The following IGF2BP1 variants were observed in gnomAD, a reference collection of about 807,000 sequenced individuals.
The protein encoded by IGF2BP1 is insulin-like growth factor 2 mRNA-binding protein 1.
IGF2BP1 carries 11 observed loss-of-function variants against 74.9 expected under a neutral mutation model. The ratio of observed to expected loss-of-function variants is 0.15; its 90% CI spans 0.09 to 0.24. The LOEUF (loss-of-function observed/expected upper bound fraction) is 0.24. IGF2BP1 is among the 10% of genes least tolerant of loss of function. IGF2BP1 has a pLI of 1.00. For synonymous variants in IGF2BP1, 287 were observed against 281.8 expected, an observed-to-expected ratio of 1.02 and a Z score of -0.18; for missense variants, 440 against 757.4, an observed-to-expected ratio of 0.58 and a Z score of 4.92.
chr17:49,034,777 A>G (rs1025172543), intron 5 of IGF2BP1, among the ~76,000 whole-genome samples: 1 of 151,850 alleles, frequency 6.6e-6, no homozygotes, highest in Non-Finnish European at 1.5e-5. Context: ...AAAAAAACGA[A>G]AAACCAAAAA....
rs139815701 is a variant in IGF2BP1 at position 49,025,310 on chromosome 17, CAA to C, written c.237-306_237-305del. Reference sequence around the variant, plus strand: ...AGGAATGAGAAAGTGGTGGGACAAACAAAGTGTGTGTGTGTGTGTGTGTGTGT... The same window carrying C: ...AGGAATGAGAAAGTGGTGGGACAAACAGTGTGTGTGTGTGTGTGTGTGTGT... On this transcript the variant is annotated intron_variant, in intron 2 of 14. Coordinates refer to ENST00000290341, the MANE Select transcript of IGF2BP1 (RefSeq NM_006546.4). Among the ~76,000 whole-genome samples, 783 of 98,908 alleles carry C rather than the reference CAA, an allele frequency of 7.9e-3. 6 individuals carry two copies. Among genetic ancestry groups the C allele is most frequent in the South Asian group, 0.049 (120 of 2,472 alleles). The allele number at this position is 98,908 out of a possible 152,430, so 64.9% of individuals were successfully genotyped here.
intron 2 of IGF2BP1, chr17:49,012,662 C>T (rs62078400): frequency 0.047 from 7,183 of 152,270 alleles, 212 homozygotes; most frequent in East Asian, 0.11. Context: ...CTCCCTCCTC[C>T]CAGCAGGAAG....
At chr17:49,009,086 G>A (rs1275344386) in intron 2 of IGF2BP1, among the ~76,000 whole-genome samples, 1 of 152,022 alleles carries the variant, frequency 6.6e-6, no homozygotes, top group Non-Finnish European at 1.5e-5. Flanking sequence ...GGAGTGCTGT[G>A]GTGCCATCTT....
chr17:48,997,788 C>G lies in IGF2BP1; in HGVS notation c.43C>G (p.Pro15Ala). ...YIGNLNESVT[P>A]ADLEKVFAEH... ...CGGCAACCTCAACGAGAGCGTGACC[C>G]CCGCGGACTTGGAGAAAGTGTTTGC... The change falls in exon 1 of 15, where the codon CCC becomes GCC. Residue 15 changes from proline (P) to alanine (A), a missense_variant. Pro to Ala is a conservative substitution (Grantham distance 27, BLOSUM62 -1). Around this residue, in one of 5 missense-constraint regions of IGF2BP1, gnomAD observed 105 missense variants for 199.4 expected, o/e 0.53. Coordinates refer to ENST00000290341, the MANE Select transcript of IGF2BP1 (RefSeq NM_006546.4). This position sits in a 1 kb window ranked among gnomAD's most constrained non-coding sequence, Gnocchi z 4.8. The G allele has an allele frequency of 1.9e-6, 3 of 1,614,112 alleles. No homozygotes were observed. The South Asian group carries it at 3.3e-5, about 18-fold the overall frequency.
rs772080581 is a variant in IGF2BP1, at chr17:49,043,568, T to C, written c.1200+18T>C. 9 of 1,612,790 alleles carry C rather than the reference T, an allele frequency of 5.6e-6. No homozygotes were observed. The highest frequency in any genetic ancestry group is 1.1e-5 in the South Asian group (1 of 91,010). The stretch of plus-strand genomic sequence containing the variant: ...CCTTTATGGTAGGTGGAAGATCTTA[T>C]TACACGGGATCCCTGGGCCCATATG... On this transcript the variant is annotated intron_variant, in intron 10 of 14. Transcript: ENST00000290341.
At chr17:49,043,867 C>T in intron 10 of IGF2BP1, 100 bp from the exon 11 acceptor site, 2 of 1,516,560 alleles carry the variant, frequency 1.3e-6, no homozygotes, top group Admixed American at 2.0e-5. Context: ...CGGTTTGGTG[C>T]CTGTACTCCT....
intron 11 of IGF2BP1, 112 bp downstream of exon 11, chr17:49,044,198 A>G: frequency 7.1e-7 from 1 of 1,407,542 alleles, no homozygotes; most frequent in Non-Finnish European, 9.6e-7. Flanking sequence ...TGTGTGTCAT[A>G]TGAGGGACCT....
chr17:49,025,298 TG>T (rs2041836796), intron 2 of IGF2BP1, among the ~76,000 whole-genome samples: 1 of 144,566 alleles, frequency 6.9e-6, no homozygotes, highest in Non-Finnish European at 1.5e-5. Flanking sequence ...AATGAGAAAG[TG>T]GTGGGACAAA....
At chr17:49,035,108 C>G (rs965850231) in intron 5 of IGF2BP1, among the ~76,000 whole-genome samples, 1 of 152,214 alleles carries the variant, frequency 6.6e-6, no homozygotes, top group Non-Finnish European at 1.5e-5. Context: ...GAATAGAATT[C>G]AGAGCCTAGA....
chr17:49,003,805 G>A (rs1473907313), intron 2 of IGF2BP1, among the ~76,000 whole-genome samples: 1 of 144,706 alleles, frequency 6.9e-6, no homozygotes, highest in Non-Finnish European at 1.5e-5. Context: ...GAGGGAGGGA[G>A]GGGAGATACG....
intron 2 of IGF2BP1, among the ~76,000 whole-genome samples, chr17:49,003,738 GA>G (rs1339013431): frequency 6.3e-5 from 9 of 142,204 alleles, no homozygotes; most frequent in Non-Finnish European, 6.1e-5. Flanking sequence ...GGAGACTGGA[GA>G]AATCAGACGA....
chr17:48,999,494 A>G (rs1392569362), intron 2 of IGF2BP1, among the ~76,000 whole-genome samples: 1 of 151,828 alleles, frequency 6.6e-6, no homozygotes, highest in Non-Finnish European at 1.5e-5. Context: ...TTGTGGGGGA[A>G]CCTTAAAATC....
intron 1 of IGF2BP1, 119 bp from the exon 2 acceptor site, chr17:48,998,990 C>T: frequency 3.0e-6 from 2 of 669,174 alleles, no homozygotes; most frequent in Non-Finnish European, 5.3e-6. Flanking sequence ...TGCCTGGATT[C>T]CTAGGAAGAT....
intron 2 of IGF2BP1, among the ~76,000 whole-genome samples, chr17:48,999,866 TTG>T (rs1306050858): frequency 1.3e-5 from 2 of 150,360 alleles, no homozygotes; most frequent in African/African-American, 4.9e-5. Flanking sequence ...GGTGAGAGCT[TTG>T]TGTTGAGGCT....
chr17:49,038,305 G>T lies in IGF2BP1; in HGVS notation c.539G>T (p.Gly180Val), dbSNP rs2042011595. ...GFGSRGQPRQ[G>V]SPVAAGAPAK... The stretch of plus-strand genomic sequence containing the variant: ...GGCTCTCGGGGTCAGCCCCGCCAGG[G>T]CTCACCTGTGGCAGCGGGGGCCCCA... Residue 180 changes from glycine (G) to valine (V), a missense_variant, in exon 6 of 15, where the codon GGC becomes GTC. Physicochemically the swap from Gly to Val is moderately radical, Grantham distance 109. Coordinates refer to ENST00000290341, the MANE Select transcript of IGF2BP1 (RefSeq NM_006546.4). The T allele has an allele frequency of 6.2e-7, 1 of 1,605,620 alleles. No homozygotes were observed. The highest frequency in any genetic ancestry group is 1.1e-5 in the South Asian group (1 of 88,994).
intron 7 of IGF2BP1, among the ~76,000 whole-genome samples, chr17:49,040,650 T>A (rs2042041507): frequency 6.6e-6 from 1 of 152,262 alleles, no homozygotes; most frequent in Non-Finnish European, 1.5e-5. Context: ...CACATGTGTT[T>A]TAGCTCAGAG....
At chr17:49,044,841 A>C in intron 11 of IGF2BP1, 150 bp from the exon 12 acceptor site, 2 of 665,460 alleles carry the variant, frequency 3.0e-6, no homozygotes, top group Admixed American at 4.9e-5. Flanking sequence ...AGGCGTAATG[A>C]TGTGGGCTTC....
At chr17:49,026,648 C>T in intron 4 of IGF2BP1, 131 bp downstream of exon 4, 1 of 638,870 alleles carries the variant, frequency 1.6e-6, no homozygotes, top group South Asian at 1.8e-5. Context: ...TTCCTTCCTG[C>T]CTGCCTTCCT....
chr17:49,044,084 A>C lies in IGF2BP1; in HGVS notation c.1318A>C (p.Lys440Gln), dbSNP rs1447590050. Residue 440 changes from lysine to glutamine, a missense_variant and splice_region_variant, in exon 11 of 15, where the codon AAG becomes CAG. Transcript: ENST00000290341. The stretch of plus-strand genomic sequence containing the variant: ...CTCCCGGTTTGCCAGCGCCTCCATC[A>C]AGGTGATCTGCTCTGTGGGTCTTCC... The part of the protein sequence containing the change: ...QLSRFASASI[K>Q]IAPPETPDSK... 6.2e-7 allele frequency: 1 copy of C among 1,614,020 alleles called. No homozygotes were observed. The highest frequency in any genetic ancestry group is 1.1e-5 in the South Asian group (1 of 91,086).
Sources: allele counts gnomAD v4.1 joint callset (sites outside exome capture counted in the v4.1 genomes callset), GRCh38; gene constraint gnomAD v4.1.1; regional missense constraint gnomAD v4.1.1; non-coding constraint Gnocchi (gnomAD v3.1); transcripts MANE v1.5; gene names NCBI Gene and HGNC (gene_info 2026-07-23, HGNC 2026-07-21).